The following DYNC1I2 variants were observed in gnomAD, a reference collection of about 807,000 sequenced individuals.
DYNC1I2 encodes dynein cytoplasmic 1 intermediate chain 2.
A neutral mutation model predicts 88.6 loss-of-function variants in DYNC1I2; 53 were observed. That is an observed-to-expected ratio of 0.60 (90% CI 0.48 to 0.75). The LOEUF is 0.75. DYNC1I2 is among the 30% of genes least tolerant of loss of function. DYNC1I2 has a pLI of 0.00. For synonymous variants in DYNC1I2, 198 were observed against 254.6 expected (o/e 0.78, Z 2.12); for missense variants, 458 against 766.6 (o/e 0.60, Z 4.75).
chr2:171,743,923 T>C, intron 15 of DYNC1I2, 126 bp from the exon 16 acceptor site: 2 of 837,954 alleles, frequency 2.4e-6, no homozygotes, highest in Non-Finnish European at 3.3e-6. Flanking sequence ...TTTTCTAGGC[T>C]GAGTTAAATA....
At position 171,716,379 on chromosome 2, in the gene DYNC1I2, T is replaced by C. The variant is rs1429157470; in HGVS notation, c.511+936T>C. ...TCAGAGTTTACCACCAAATGAGTTA[T>C]GGATTTTAGAGCTGTTAACAATTTT... On this transcript the variant is annotated intron_variant, in intron 7 of 17. Transcript: ENST00000397119. 2.6e-5 allele frequency among the ~76,000 whole-genome samples: 4 copies of C among 152,210 alleles called. No individual in the cohort carries two copies. In the East Asian group the frequency reaches 5.8e-4, roughly 22 times the overall value.
intron 15 of DYNC1I2, among the ~76,000 whole-genome samples, chr2:171,742,069 A>G (rs1055594666): frequency 1.5e-4 from 7 of 47,750 alleles, no homozygotes; most frequent in Non-Finnish European, 3.4e-4. Context: ...CGGTCTCAGA[A>G]AAAAAAAAAA....
chr2:171,703,945 C>G (rs961959686), intron 3 of DYNC1I2, among the ~76,000 whole-genome samples: 17 of 152,198 alleles, frequency 1.1e-4, no homozygotes, highest in African/African-American at 4.1e-4. Context: ...CACTCCCATT[C>G]CCTACATTCA....
intron 7 of DYNC1I2, among the ~76,000 whole-genome samples, chr2:171,724,218 T>C (rs1688089074): frequency 6.6e-6 from 1 of 152,246 alleles, no homozygotes; most frequent in Non-Finnish European, 1.5e-5. Flanking sequence ...ATTTAAAGCT[T>C]TCTTTCCACA....
intron 7 of DYNC1I2, among the ~76,000 whole-genome samples, chr2:171,723,962 C>A (rs1330289107): frequency 6.6e-6 from 1 of 152,142 alleles, no homozygotes; most frequent in East Asian, 1.9e-4. Flanking sequence ...GTTGGGCTGG[C>A]TGAAAAGACA....
chr2:171,726,324 C>G, intron 10 of DYNC1I2, 31 bp downstream of exon 10: 1 of 1,453,142 alleles, frequency 6.9e-7, no homozygotes, highest in Non-Finnish European at 9.4e-7. Context: ...CCGCTCTTAA[C>G]TCATTTTTAA....
chr2:171,745,958 C>T (rs1420166323), intron 17 of DYNC1I2, 31 bp downstream of exon 17: 10 of 1,611,640 alleles, frequency 6.2e-6, no homozygotes, highest in Non-Finnish European at 8.5e-6. Flanking sequence ...AATTTTGACA[C>T]ATCGATTTAG....
Position 171,728,714 on chromosome 2 carries a change from T to A in DYNC1I2, c.1258-3T>A. On this transcript the variant is annotated splice_polypyrimidine_tract_variant and splice_region_variant and intron_variant, in intron 13 of 17. Coordinates refer to ENST00000397119, the MANE Select transcript of DYNC1I2 (RefSeq NM_001378.3). ...ACTAATTTTCTCAGGTTTTTCTATG[T>A]AGGATAGCATGGAGTTGGTTCATAA... is the stretch of plus-strand genomic sequence containing the variant. 6.3e-7 allele frequency: 1 copy of A among 1,577,624 alleles called. No homozygotes were observed. The highest frequency in any genetic ancestry group is 8.6e-7 in the Non-Finnish European group (1 of 1,165,292).
intron 15 of DYNC1I2, among the ~76,000 whole-genome samples, chr2:171,731,157 A>C (rs1252638185): frequency 6.6e-6 from 1 of 152,230 alleles, no homozygotes; most frequent in African/African-American, 2.4e-5. Context: ...ACATTTAATA[A>C]GTCATCTCTT....
chr2:171,726,891 C>T lies in DYNC1I2; in HGVS notation c.971C>T (p.Thr324Ile). The T allele has an allele frequency of 1.2e-6, 2 of 1,610,506 alleles. No homozygotes were observed. The highest frequency in any genetic ancestry group is 1.7e-4 in the Middle Eastern group (1 of 6,046). ...TGGAATATGAAATACAAAAAAACTA[C>T]CCCAGAGTATGTGTTTCACTGCCAG... ...LVWNMKYKKT[T>I]PEYVFHCQSA... The change falls in exon 11 of 18, where the codon ACC (threonine) becomes ATC (isoleucine). Residue 324 changes from threonine (T) to isoleucine (I), a missense_variant. By Grantham distance (89) the Thr-to-Ile change is moderately conservative. Coordinates refer to ENST00000397119, the MANE Select transcript of DYNC1I2 (RefSeq NM_001378.3).
At chr2:171,731,502 C>T (rs546729415) in intron 15 of DYNC1I2, among the ~76,000 whole-genome samples, 1 of 152,258 alleles carries the variant, frequency 6.6e-6, no homozygotes, top group East Asian at 1.9e-4. Context: ...CCTGTAATCC[C>T]AGTGCTTTAG....
In DYNC1I2 at chr2:171,712,489, A is replaced by G. The variant is rs993711673; in HGVS notation, c.336-278A>G. The G allele has an allele frequency of 2.8e-5, 9 of 321,372 alleles. No homozygotes were observed. In the Admixed American group the frequency reaches 3.6e-4, roughly 13 times the overall value. 19.9% of individuals were successfully genotyped at this position (321,372 alleles called of 1,614,324 possible). On this transcript the variant is annotated intron_variant, in intron 5 of 17. Coordinates refer to ENST00000397119, the MANE Select transcript of DYNC1I2 (RefSeq NM_001378.3). ...TTCTAAAGCAGATCTATTATTATAC[A>G]ATATTAGTTTCCCATAATCTGCAAA...
chr2:171,739,103 T>TGA (rs1553596305), intron 15 of DYNC1I2, among the ~76,000 whole-genome samples: 42 of 119,942 alleles, frequency 3.5e-4, no homozygotes, highest in Non-Finnish European at 4.9e-4. Context: ...GCAACAAGAG[T>TGA]GAAAAAAAAA....
intron 7 of DYNC1I2, among the ~76,000 whole-genome samples, chr2:171,717,674 A>G (rs1262300232): frequency 9.9e-5 from 15 of 152,170 alleles, no homozygotes; most frequent in South Asian, 4.1e-4. Context: ...TAACTAGTAT[A>G]TTAATTTGGT....
intron 5 of DYNC1I2, among the ~76,000 whole-genome samples, chr2:171,708,605 A>G (rs1312305574): frequency 6.6e-6 from 1 of 152,054 alleles, no homozygotes; most frequent in Admixed American, 6.5e-5. Flanking sequence ...AATAAAGACA[A>G]TTTGTCTAGT....
chr2:171,749,176 A>G lies in DYNC1I2; in HGVS notation c.*1287A>G, dbSNP rs1689968896. On this transcript the variant is annotated 3_prime_UTR_variant, in exon 18 of 18. Transcript: ENST00000397119. ...ATAGTGTAAGGAATAATTGACCTGG[A>G]ATTATTGGCCCCAAACTCTGATTCT... 6.6e-6 allele frequency among the ~76,000 whole-genome samples: 1 copy of G among 152,108 alleles called. No homozygotes were observed. Among genetic ancestry groups the G allele is most frequent in the Non-Finnish European group, 1.5e-5 (1 of 67,980 alleles).
intron 3 of DYNC1I2, among the ~76,000 whole-genome samples, chr2:171,705,403 A>G (rs771382001): frequency 4.6e-5 from 7 of 152,120 alleles, no homozygotes; most frequent in Non-Finnish European, 8.8e-5. Flanking sequence ...TGGGAATTTT[A>G]CTAATTTTCC....
intron 5 of DYNC1I2, among the ~76,000 whole-genome samples, chr2:171,709,674 T>G (rs1686956055): frequency 6.6e-6 from 1 of 152,204 alleles, no homozygotes; most frequent in African/African-American, 2.4e-5. Flanking sequence ...TCTTGTGAGT[T>G]TAACGGAGAG....
At chr2:171,712,972 C>T (rs1664103688) in intron 6 of DYNC1I2, 146 bp downstream of exon 6, 1 of 673,928 alleles carries the variant, frequency 1.5e-6, no homozygotes, top group South Asian at 1.9e-5. Context: ...CTCATTTATC[C>T]AGTATCTTTA....
Sources: gnomAD v4.1 joint callset for allele counts (sites outside exome capture counted in the v4.1 genomes callset) on GRCh38, gnomAD v4.1.1 for gene constraint, MANE v1.5 for transcripts, NCBI Gene and HGNC (gene_info 2026-07-23, HGNC 2026-07-21) for gene names.